The following ABTB2 variants were observed in gnomAD, a reference collection of about 807,000 sequenced individuals.
The protein encoded by ABTB2 is ankyrin repeat and BTB/POZ domain-containing protein 2.
A neutral mutation model predicts 104.1 loss-of-function variants in ABTB2; 56 were observed. The observed-to-expected ratio is 0.54, with a 90% CI of 0.43 to 0.67. The LOEUF is 0.67. ABTB2 is among the 30% of genes least tolerant of loss of function. The pLI, the probability that ABTB2 is intolerant of heterozygous loss-of-function variation, is 0.00. For synonymous variants in ABTB2, 606 were observed against 608.2 expected (o/e 1.00, Z 0.05); for missense variants, 1,279 against 1,407.7 (o/e 0.91, Z 1.46).
chr11:34,152,326 C>A lies in ABTB2; in HGVS notation c.*61G>T, dbSNP rs1044983094. 1 of 1,507,922 alleles carries A rather than the reference C, an allele frequency of 6.6e-7. No homozygotes were observed. The highest frequency in any genetic ancestry group is 8.9e-7 in the Non-Finnish European group (1 of 1,123,564). The allele number at this position is 1,507,922 out of a possible 1,614,324, so 93.4% of individuals were successfully genotyped here. A position where few individuals can be genotyped will look rare whatever the true frequency, so the allele number is the denominator to read the frequency against. ...CTCCAAGAGGGCCTACAACCATACC[C>A]CGACATGGTGGGCCCTGGCACCTCC... On this transcript the variant is annotated 3_prime_UTR_variant, in exon 17 of 17. Transcript: ENST00000435224.
At chr11:34,336,851 G>A (rs1032824338) in intron 1 of ABTB2, among the ~76,000 whole-genome samples, 7 of 151,910 alleles carry the variant, frequency 4.6e-5, no homozygotes, top group African/African-American at 1.5e-4. Flanking sequence ...ACTAACATAC[G>A]GGAGACTCAC....
chr11:34,354,767 C>T (rs1175762168), intron 1 of ABTB2, among the ~76,000 whole-genome samples: 2 of 152,202 alleles, frequency 1.3e-5, no homozygotes, highest in Non-Finnish European at 2.9e-5. Flanking sequence ...TTTTGTTTTG[C>T]ATTTACAGTT....
rs562312360 is a variant in ABTB2 at position 34,333,207 on chromosome 11, G to A, written c.883+23494C>T. Among the ~76,000 whole-genome samples, 25 of 152,266 alleles carry A rather than the reference G, an allele frequency of 1.6e-4. No individual in the cohort carries two copies. The South Asian group carries it at 5.0e-3, about 30-fold the overall frequency. On this transcript the variant is annotated intron_variant, in intron 1 of 16. Transcript: ENST00000435224. ...CAGGTAAAAGTAATTGAAGGTGGCAGGAGTCAGAATAATAGTTATGTGGGG... is the reference window on the plus strand; with the variant it reads ...CAGGTAAAAGTAATTGAAGGTGGCAAGAGTCAGAATAATAGTTATGTGGGG...
intron 7 of ABTB2, 130 bp from the exon 8 acceptor site, chr11:34,165,486 C>T (rs893870567): frequency 3.0e-6 from 2 of 676,990 alleles, no homozygotes; most frequent in Non-Finnish European, 4.9e-6. Context: ...TTCACCCCAG[C>T]AGCTGAGGAA....
intron 3 of ABTB2, among the ~76,000 whole-genome samples, 187 bp from the exon 4 acceptor site, chr11:34,173,494 G>A (rs1426605743): frequency 6.6e-6 from 1 of 152,120 alleles, no homozygotes; most frequent in African/African-American, 2.4e-5. Flanking sequence ...GGCAGCAGGG[G>A]ACCCCTTAAG....
At chr11:34,193,233 G>A (rs1393086810) in intron 3 of ABTB2, among the ~76,000 whole-genome samples, 2 of 152,216 alleles carry the variant, frequency 1.3e-5, no homozygotes, top group African/African-American at 4.8e-5. Context: ...ACCCTGCAGG[G>A]CAGCAGCTGT....
intron 2 of ABTB2, among the ~76,000 whole-genome samples, chr11:34,203,845 G>A (rs1417522847): frequency 6.6e-6 from 1 of 152,246 alleles, no homozygotes; most frequent in Non-Finnish European, 1.5e-5. Flanking sequence ...GACCCCTGCT[G>A]TGTCACTGCC....
At position 34,173,189 on chromosome 11, in the gene ABTB2, G is replaced by C; in HGVS notation, c.1363C>G (p.Leu455Val). Residue 455 changes from leucine (L) to valine (V), a missense_variant, in exon 4 of 17, where the codon CTG (leucine) becomes GTG (valine). Leu to Val is a conservative substitution (Grantham distance 32, BLOSUM62 1). Coordinates refer to ENST00000435224, the MANE Select transcript of ABTB2 (RefSeq NM_145804.3). The stretch of plus-strand genomic sequence containing the variant: ...CGAGGTTCACAGTCCAGACCAGGCA[G>C]CAGCAGCCGGGCTGCCTGCCGGATG... ...GDIRQAARLL[L>V]PGLDCEPRQL... 6.2e-7 allele frequency: 1 copy of C among 1,613,754 alleles called. No homozygotes were observed. Among genetic ancestry groups the C allele is most frequent in the Non-Finnish European group, 8.5e-7 (1 of 1,179,934 alleles).
Position 34,154,908 on chromosome 11 carries a change from C to T in ABTB2, c.2698-139G>A. On this transcript the variant is annotated intron_variant, in intron 14 of 16. Coordinates refer to ENST00000435224, the MANE Select transcript of ABTB2 (RefSeq NM_145804.3). The surrounding 1 kb of genome is among the most constrained non-coding windows in gnomAD (Gnocchi z 4.9). Reference sequence around the variant, plus strand: ...GGTCCCCAGCTCTGTCTCTCCCTCCCTCTCCTGCTCAGGCTGAGACTTGTG... The same window carrying T: ...GGTCCCCAGCTCTGTCTCTCCCTCCTTCTCCTGCTCAGGCTGAGACTTGTG... The T allele has an allele frequency of 1.3e-6, 1 of 755,946 alleles. No homozygotes were observed. Among genetic ancestry groups the T allele is most frequent in the Admixed American group, 2.6e-5 (1 of 39,152 alleles). 46.8% of individuals were successfully genotyped at this position (755,946 alleles called of 1,614,324 possible).
intron 1 of ABTB2, among the ~76,000 whole-genome samples, chr11:34,277,184 A>C (rs11606346): frequency 6.6e-6 from 1 of 152,042 alleles, no homozygotes; most frequent in African/African-American, 2.4e-5. Flanking sequence ...TTACAGGCGT[A>C]AGCCACCGTG....
chr11:34,218,462 G>A (rs1247020614), intron 1 of ABTB2, among the ~76,000 whole-genome samples: 1 of 152,058 alleles, frequency 6.6e-6, no homozygotes, highest in East Asian at 1.9e-4. Context: ...TGATCCATTT[G>A]AGTTAATTCT....
chr11:34,157,182 T>C (rs566511282), intron 14 of ABTB2, among the ~76,000 whole-genome samples: 9 of 152,340 alleles, frequency 5.9e-5, no homozygotes, highest in African/African-American at 2.2e-4. Flanking sequence ...AAGTCGGAGC[T>C]GAGGTCTGGA....
chr11:34,182,857 A>ATTATTATT (rs1853047185), intron 3 of ABTB2, among the ~76,000 whole-genome samples: 1 of 152,052 alleles, frequency 6.6e-6, no homozygotes, highest in Non-Finnish European at 1.5e-5. Flanking sequence ...AGCAGGTACT[A>ATTATTATT]TTATTATTTC....
chr11:34,247,673 C>G (rs1183868883), intron 1 of ABTB2, among the ~76,000 whole-genome samples: 1 of 152,150 alleles, frequency 6.6e-6, no homozygotes, highest in East Asian at 1.9e-4. Flanking sequence ...CCAGCCAGGG[C>G]CAAAATGCAG....
intron 1 of ABTB2, among the ~76,000 whole-genome samples, chr11:34,315,086 A>C (rs1030364535): frequency 6.6e-6 from 1 of 152,244 alleles, no homozygotes; most frequent in Non-Finnish European, 1.5e-5. Context: ...AAAATTCCAT[A>C]TTAAAAAGAG....
chr11:34,273,711 T>G (rs1854347330), intron 1 of ABTB2, among the ~76,000 whole-genome samples: 1 of 152,078 alleles, frequency 6.6e-6, no homozygotes, highest in African/African-American at 2.4e-5. Context: ...CCTAAAACCT[T>G]GCATCCCTTT....
intron 1 of ABTB2, among the ~76,000 whole-genome samples, chr11:34,218,579 G>A (rs573585147): frequency 1.5e-3 from 232 of 152,280 alleles, no homozygotes; most frequent in African/African-American, 5.1e-3. Flanking sequence ...GCTGGGTGCA[G>A]TGGCTCACGC....
At position 34,173,136 on chromosome 11, in the gene ABTB2, C is replaced by T. The variant is rs1484498872; in HGVS notation, c.1397+19G>A. 2 of 1,613,362 alleles carry T rather than the reference C, an allele frequency of 1.2e-6. No homozygotes were observed. The highest frequency in any genetic ancestry group is 1.7e-6 in the Non-Finnish European group (2 of 1,179,908). On this transcript the variant is annotated intron_variant, in intron 4 of 16. Transcript: ENST00000435224. The stretch of plus-strand genomic sequence containing the variant: ...GCAGGTCATGGATGCCGGGGCCCTC[C>T]CTCCTCCCTGGTTCATACTTGAGCT...
chr11:34,215,784 T>TA (rs922709638), intron 1 of ABTB2, among the ~76,000 whole-genome samples: 5 of 152,140 alleles, frequency 3.3e-5, no homozygotes, highest in Admixed American at 2.0e-4. Context: ...ATATAGTAAA[T>TA]AAAAATATTT....
Sources: allele counts gnomAD v4.1 joint callset (sites outside exome capture counted in the v4.1 genomes callset), GRCh38; gene constraint gnomAD v4.1.1; non-coding constraint Gnocchi (gnomAD v3.1); transcripts MANE v1.5; gene names NCBI Gene and HGNC (gene_info 2026-07-23, HGNC 2026-07-21).